MAD1L1: variants seen among roughly 807,000 people sequenced by gnomAD.
MAD1L1 encodes the protein mitotic spindle assembly checkpoint protein MAD1.
In MAD1L1, 95 loss-of-function variants were observed where a neutral mutation model predicts 96.9. The ratio of observed to expected loss-of-function variants is 0.98; its 90% CI spans 0.83 to 1.16. MAD1L1 has a LOEUF of 1.16. Among genes scored for constraint, MAD1L1 ranks in the 50% most tolerant of loss-of-function variants. The pLI is 0.00. For synonymous variants in MAD1L1, 473 were observed against 396.6 expected, an observed-to-expected ratio of 1.19 and a Z score of -2.29; for missense variants, 1,007 against 954.4, an observed-to-expected ratio of 1.06 and a Z score of -0.73.
rs185117634 is a variant in MAD1L1 at position 1,858,922 on chromosome 7, G to A, written c.1998+39278C>T. ...GGGCAGGGGGCCCAGGTCATGACTTGCAACCCACCTGGACCACCACGCCTT... is the reference window on the plus strand; with the variant it reads ...GGGCAGGGGGCCCAGGTCATGACTTACAACCCACCTGGACCACCACGCCTT... On this transcript the variant is annotated intron_variant, in intron 18 of 18. Transcript: ENST00000265854. 1.4e-4 allele frequency among the ~76,000 whole-genome samples: 21 copies of A among 152,326 alleles called. No individual in the cohort carries two copies. The East Asian group carries it at 3.3e-3, about 24-fold the overall frequency.
chr7:2,073,675 G>A (rs572887813), intron 11 of MAD1L1, among the ~76,000 whole-genome samples: 9 of 152,384 alleles, frequency 5.9e-5, no homozygotes, highest in Admixed American at 2.0e-4. Flanking sequence ...GCAGGATGTA[G>A]CGTGAAGCGT....
intron 12 of MAD1L1, among the ~76,000 whole-genome samples, chr7:2,031,288 C>T (rs796846221): frequency 1.5e-4 from 23 of 152,320 alleles, no homozygotes; most frequent in African/African-American, 5.3e-4. Context: ...GCCAGCTCCT[C>T]CTCTGGCTTC....
At chr7:2,027,646 A>G (rs1218919294) in intron 12 of MAD1L1, among the ~76,000 whole-genome samples, 3 of 152,270 alleles carry the variant, frequency 2.0e-5, no homozygotes, top group African/African-American at 7.2e-5. Context: ...AAAATTCAAC[A>G]TCTATTCACG....
At chr7:2,077,291 T>C (rs1030493223) in intron 11 of MAD1L1, among the ~76,000 whole-genome samples, 2 of 152,244 alleles carry the variant, frequency 1.3e-5, no homozygotes, top group Non-Finnish European at 2.9e-5. Context: ...AGCACCTTTA[T>C]TCTTAGCTAT....
At chr7:2,189,812 C>A (rs184652970) in intron 10 of MAD1L1, among the ~76,000 whole-genome samples, 14 of 152,154 alleles carry the variant, frequency 9.2e-5, no homozygotes, top group Non-Finnish European at 1.3e-4. Context: ...TGTATTTGAC[C>A]CAATACAACA....
At chr7:2,123,645 G>C (rs1788088385) in intron 11 of MAD1L1, among the ~76,000 whole-genome samples, 1 of 152,186 alleles carries the variant, frequency 6.6e-6, no homozygotes, top group Non-Finnish European at 1.5e-5. Flanking sequence ...CCTCAAGCGA[G>C]GACTCACGGG....
intron 18 of MAD1L1, among the ~76,000 whole-genome samples, chr7:1,894,437 A>G (rs1217825719): frequency 6.6e-6 from 1 of 152,282 alleles, no homozygotes; most frequent in East Asian, 1.9e-4. Flanking sequence ...CGTGGGCTGG[A>G]GCTGAACCAG....
intron 10 of MAD1L1, 144 bp downstream of exon 10, chr7:2,213,068 C>T (rs991005285): frequency 1.3e-6 from 1 of 771,542 alleles, no homozygotes; most frequent in African/African-American, 1.7e-5. Context: ...CCTCATTAAA[C>T]CTGAGCAGCC....
chr7:2,155,529 G>A (rs1562736988), intron 10 of MAD1L1, among the ~76,000 whole-genome samples: 3 of 152,056 alleles, frequency 2.0e-5, no homozygotes, highest in Admixed American at 1.3e-4. Flanking sequence ...CTAAGAATGC[G>A]ACCACTCCAG....
At chr7:1,971,586 T>A (rs1780409081) in intron 15 of MAD1L1, among the ~76,000 whole-genome samples, 1 of 152,214 alleles carries the variant, frequency 6.6e-6, no homozygotes. Context: ...AGACTTCAGT[T>A]AAAGACGGTA....
intron 10 of MAD1L1, among the ~76,000 whole-genome samples, chr7:2,184,819 T>C (rs1028555198): frequency 3.3e-5 from 5 of 151,790 alleles, no homozygotes; most frequent in Admixed American, 6.6e-5. Context: ...CTGGCCAACA[T>C]GGTGAAACCC....
chr7:2,144,368 G>T (rs1789190329), intron 11 of MAD1L1, among the ~76,000 whole-genome samples: 2 of 152,202 alleles, frequency 1.3e-5, no homozygotes, highest in South Asian at 4.1e-4. Context: ...GAACCCTGGA[G>T]CCCTCACGGG....
Position 2,119,022 on chromosome 7 carries a change from C to A in MAD1L1, c.1073+30130G>T, listed in dbSNP as rs572494023. The stretch of plus-strand genomic sequence containing the variant: ...GCCTGGGCTCGCCCCAGCCTCCAGC[C>A]CCACGTGACGGTCTGCCTCCCAGAC... On this transcript the variant is annotated intron_variant, in intron 11 of 18. Transcript: ENST00000265854. This position sits in a 1 kb window ranked among gnomAD's most constrained non-coding sequence, Gnocchi z 4.6. 6.6e-6 allele frequency among the ~76,000 whole-genome samples: 1 copy of A among 152,196 alleles called. No individual in the cohort carries two copies. The highest frequency in any genetic ancestry group is 2.4e-5 in the African/African-American group (1 of 41,540).
chr7:2,121,185 C>T (rs1429642895), intron 11 of MAD1L1, among the ~76,000 whole-genome samples: 2 of 152,254 alleles, frequency 1.3e-5, no homozygotes, highest in East Asian at 1.9e-4. Context: ...TGAGGCCTCA[C>T]GATCTGAGTC....
intron 6 of MAD1L1, among the ~76,000 whole-genome samples, chr7:2,218,304 C>G (rs62442483): frequency 0.16 from 24,873 of 152,194 alleles, 2,406 homozygotes; most frequent in Middle Eastern, 0.26. Flanking sequence ...GTAGTGAGCC[C>G]AGGCCACCTG....
At chr7:2,175,979 C>T (rs1338669931) in intron 10 of MAD1L1, among the ~76,000 whole-genome samples, 1 of 152,158 alleles carries the variant, frequency 6.6e-6, no homozygotes, top group Admixed American at 6.5e-5. Context: ...GCACAAATAA[C>T]CAAAATCAGG....
At chr7:2,091,637 T>G (rs1384279976) in intron 11 of MAD1L1, among the ~76,000 whole-genome samples, 1 of 152,044 alleles carries the variant, frequency 6.6e-6, no homozygotes, top group African/African-American at 2.4e-5. Context: ...TTAGCCGGGC[T>G]TAGTGGTGGG....
At chr7:1,913,289 G>A (rs1300143521) in intron 17 of MAD1L1, among the ~76,000 whole-genome samples, 1 of 152,008 alleles carries the variant, frequency 6.6e-6, no homozygotes, top group Non-Finnish European at 1.5e-5. Flanking sequence ...CAAGGAGCAG[G>A]GTTCTGGGCG....
chr7:2,099,138 C>CA (rs1362504518), intron 11 of MAD1L1, among the ~76,000 whole-genome samples: 1 of 152,230 alleles, frequency 6.6e-6, no homozygotes, highest in African/African-American at 2.4e-5. Context: ...AGTGGTAGCA[C>CA]AGCCTCCCAT....
Sources: allele counts gnomAD v4.1 joint callset (sites outside exome capture counted in the v4.1 genomes callset), GRCh38; gene constraint gnomAD v4.1.1; non-coding constraint Gnocchi (gnomAD v3.1); transcripts MANE v1.5; gene names NCBI Gene and HGNC (gene_info 2026-07-23, HGNC 2026-07-21).